The following GC variants were observed in gnomAD, a reference collection of about 807,000 sequenced individuals.
GC encodes vitamin D-binding protein.
Under a neutral mutation model 56.7 loss-of-function variants are expected in GC, and 43 were observed. The ratio of observed to expected loss-of-function variants is 0.76; its 90% CI spans 0.59 to 0.98. The LOEUF (loss-of-function observed/expected upper bound fraction) is 0.98, where lower values mean the gene tolerates loss of function less well. Ranked by LOEUF, GC falls within the 50% of genes least tolerant of loss-of-function variation. GC has a pLI of 0.00. For missense variants in GC, 529 were observed against 545.9 expected, an observed-to-expected ratio of 0.97 and a Z score of 0.31; for synonymous variants, 216 against 202.7, an observed-to-expected ratio of 1.07 and a Z score of -0.56.
At chr4:71,779,227 G>A (rs1742599588) in intron 1 of GC, among the ~76,000 whole-genome samples, 1 of 151,790 alleles carries the variant, frequency 6.6e-6, no homozygotes, top group African/African-American at 2.4e-5. Context: ...AATTTCACAA[G>A]GCTTGCATTC....
At chr4:71,780,549 C>T (rs1198502043) in intron 1 of GC, among the ~76,000 whole-genome samples, 1 of 151,882 alleles carries the variant, frequency 6.6e-6, no homozygotes, top group East Asian at 1.9e-4. Flanking sequence ...AAAAAACAAA[C>T]AACCCCATCA....
At chr4:71,756,961 C>A in intron 7 of GC, 47 bp from the exon 8 acceptor site, 1 of 1,283,020 alleles carries the variant, frequency 7.8e-7, no homozygotes, top group South Asian at 1.2e-5. Flanking sequence ...TCCTGATAGT[C>A]TAATTAAAAA....
intron 6 of GC, among the ~76,000 whole-genome samples, chr4:71,759,244 A>G (rs1364476675): frequency 6.6e-6 from 1 of 152,180 alleles, no homozygotes; most frequent in Non-Finnish European, 1.5e-5. Context: ...TCTGCAGTGA[A>G]CATGGAAGTG....
At chr4:71,759,565 G>C (rs1741896443) in intron 6 of GC, 1 of 152,202 alleles carries the variant, frequency 6.6e-6, no homozygotes, top group Non-Finnish European at 1.5e-5. Flanking sequence ...ACCCTGCTTA[G>C]CTTCTGAGAT....
At chr4:71,761,980 G>A (rs2149299262) in intron 6 of GC, among the ~76,000 whole-genome samples, 1 of 152,316 alleles carries the variant, frequency 6.6e-6, no homozygotes. Context: ...TCCAAATAGA[G>A]TCCCTACTGG....
chr4:71,791,801 T>C (rs1742974142), intron 1 of GC, among the ~76,000 whole-genome samples: 2 of 152,112 alleles, frequency 1.3e-5, no homozygotes, highest in African/African-American at 4.8e-5. Context: ...TTTCTCCTAA[T>C]GCTATCCCTT....
At chr4:71,749,359 C>T (rs1250956332) in intron 11 of GC, among the ~76,000 whole-genome samples, 2 of 152,072 alleles carry the variant, frequency 1.3e-5, no homozygotes, top group Non-Finnish European at 2.9e-5. Flanking sequence ...AATGAAAAAC[C>T]AGGGGCTTTT....
At chr4:71,789,745 C>G (rs879842973) in intron 1 of GC, among the ~76,000 whole-genome samples, 2 of 151,886 alleles carry the variant, frequency 1.3e-5, no homozygotes, top group Admixed American at 6.6e-5. Context: ...CTTTAAAATA[C>G]AGGGATTTTC....
intron 1 of GC, among the ~76,000 whole-genome samples, chr4:71,793,014 G>T (rs1214094597): frequency 6.6e-6 from 1 of 152,110 alleles, no homozygotes; most frequent in Non-Finnish European, 1.5e-5. Flanking sequence ...TGTTCCAATG[G>T]TCTATATCTC....
At chr4:71,768,509 C>G (rs1027085608) in intron 2 of GC, 76 bp from the exon 3 acceptor site, 42 of 1,364,170 alleles carry the variant, frequency 3.1e-5, no homozygotes, top group Non-Finnish European at 4.1e-5. Flanking sequence ...CGCTCTGTTA[C>G]CCAGGCTGGA....
In GC at chr4:71,763,419, TTTC is replaced by T; in HGVS notation, c.687_689del (p.Lys230del). Reference sequence around the variant, plus strand: ...CACTTAATCTTTACCTGAGCCTTGATTTCTTCTCCCCATAAGCAGCATATTGTG... The same window carrying T: ...CACTTAATCTTTACCTGAGCCTTGATTTCTCCCCATAAGCAGCATATTGTG... On this transcript the variant is annotated inframe_deletion, in exon 6 of 13. Coordinates refer to ENST00000273951, the MANE Select transcript of GC (RefSeq NM_000583.4). 1 of 1,578,194 alleles carries T rather than the reference TTTC, an allele frequency of 6.3e-7. No individual in the cohort carries two copies. The highest frequency in any genetic ancestry group is 8.7e-7 in the Non-Finnish European group (1 of 1,147,966).
chr4:71,747,560 A>T (rs1236595607), intron 11 of GC, among the ~76,000 whole-genome samples: 1 of 152,170 alleles, frequency 6.6e-6, no homozygotes, highest in Admixed American at 6.6e-5. Context: ...TCTGGTAAGA[A>T]TTGAAAAATG....
intron 1 of GC, among the ~76,000 whole-genome samples, chr4:71,789,879 A>G (rs1439145498): frequency 2.0e-5 from 3 of 151,884 alleles, no homozygotes; most frequent in Non-Finnish European, 4.4e-5. Context: ...GGGATTGCTG[A>G]CTTTGAAGAT....
At chr4:71,803,660 T>TG (rs1270726004) in intron 1 of GC, among the ~76,000 whole-genome samples, 1 of 152,202 alleles carries the variant, frequency 6.6e-6, no homozygotes, top group Non-Finnish European at 1.5e-5. Context: ...TCAGAAAATT[T>TG]GGTATAAACT....
chr4:71,804,477 C>A (rs1172330167), upstream of GC, among the ~76,000 whole-genome samples: 3 of 152,062 alleles, frequency 2.0e-5, no homozygotes, highest in Non-Finnish European at 2.9e-5. Context: ...AGCATTGCAG[C>A]CTTTATGTTT....
intron 11 of GC, among the ~76,000 whole-genome samples, chr4:71,746,631 A>G (rs1741374806): frequency 6.6e-6 from 1 of 151,908 alleles, no homozygotes; most frequent in African/African-American, 2.4e-5. Flanking sequence ...CATTATGTGC[A>G]AAGGCCTTGA....
upstream of GC, among the ~76,000 whole-genome samples, chr4:71,786,517 A>T (rs749479649): frequency 4.0e-5 from 6 of 151,874 alleles, no homozygotes; most frequent in Non-Finnish European, 7.4e-5. Flanking sequence ...ATACATAAGC[A>T]GTAGAATTTT....
At chr4:71,780,145 A>G (rs1167445394) in intron 1 of GC, among the ~76,000 whole-genome samples, 1 of 152,100 alleles carries the variant, frequency 6.6e-6, no homozygotes, top group East Asian at 1.9e-4. Flanking sequence ...AGGATTCCCT[A>G]TTTAATAAAT....
intron 1 of GC, among the ~76,000 whole-genome samples, chr4:71,780,626 T>G (rs1742643844): frequency 1.3e-5 from 2 of 151,784 alleles, no homozygotes; most frequent in African/African-American, 4.8e-5. Context: ...AAAAAACACA[T>G]GAAAAAAATG....
Sources: gnomAD v4.1 joint callset for allele counts (sites outside exome capture counted in the v4.1 genomes callset) on GRCh38, gnomAD v4.1.1 for gene constraint, MANE v1.5 for transcripts, NCBI Gene and HGNC (gene_info 2026-07-23, HGNC 2026-07-21) for gene names.